CTSB: variants seen among roughly 807,000 people sequenced by gnomAD.
CTSB encodes the protein APP secretase.
A neutral mutation model predicts 44.3 loss-of-function variants in CTSB; 57 were observed. The ratio of observed to expected loss-of-function variants is 1.29; its 90% CI spans 1.04 to 1.60. The LOEUF is 1.60. CTSB is among the 40% of genes most tolerant of loss of function. The pLI, the probability that CTSB is intolerant of heterozygous loss-of-function variation, is 0.00. For missense variants in CTSB, 768 were observed against 443.0 expected (o/e 1.73, Z -6.59); for synonymous variants, 320 against 168.0 (o/e 1.91, Z -7.00).
At position 11,844,978 on chromosome 8, in the gene CTSB, T is replaced by C; in HGVS notation, c.*147A>G. ...CACAGGCTGGGATGTAGCCAGGACT[T>C]GGTCTCCTTGGAAGACAGGTCTGAT... On this transcript the variant is annotated 3_prime_UTR_variant, in exon 10 of 10. Coordinates refer to ENST00000353047, the MANE Select transcript of CTSB (RefSeq NM_001908.5). The C allele has an allele frequency of 1.6e-6, 1 of 630,720 alleles. No individual in the cohort carries two copies. The highest frequency in any genetic ancestry group is 2.8e-6 in the Non-Finnish European group (1 of 352,756). 39.1% of individuals were successfully genotyped at this position (630,720 alleles called of 1,614,324 possible). A position where few individuals can be genotyped will look rare whatever the true frequency, so the allele number is the denominator to read the frequency against.
In CTSB at chr8:11,843,004, A is replaced by G. The variant is rs2130953304; in HGVS notation, c.*2121T>C. 7.5e-6 allele frequency: 1 copy of G among 133,576 alleles called. No homozygotes were observed. The highest frequency in any genetic ancestry group is 2.9e-5 in the African/African-American group (1 of 34,170). 8.3% of individuals were successfully genotyped at this position (133,576 alleles called of 1,614,324 possible). A position where few individuals can be genotyped will look rare whatever the true frequency, so the allele number is the denominator to read the frequency against. ...TGCGCTGTCACCGAGGCTGGAGTGC[A>G]CTGGCACTGTCTTGGCTCACTGCAA... On this transcript the variant is annotated 3_prime_UTR_variant, in exon 10 of 10. Coordinates refer to ENST00000353047, the MANE Select transcript of CTSB (RefSeq NM_001908.5).
intron 1 of CTSB, among the ~76,000 whole-genome samples, chr8:11,860,592 C>T (rs1224498739): frequency 6.6e-6 from 1 of 152,134 alleles, no homozygotes; most frequent in Non-Finnish European, 1.5e-5. Flanking sequence ...CCATTGCACT[C>T]CACCTTGGGC....
chr8:11,850,432 AAAAAAAAAAG>A (rs1174045514), intron 4 of CTSB, among the ~76,000 whole-genome samples: 2 of 148,496 alleles, frequency 1.3e-5, no homozygotes, highest in African/African-American at 2.5e-5. Flanking sequence ...AAAAAAAAAA[AAAAAAAAAAG>A]AAAGAAAAAG....
intron 3 of CTSB, 45 bp from the exon 4 acceptor site, chr8:11,851,025 C>A: frequency 6.9e-7 from 1 of 1,446,870 alleles, no homozygotes; most frequent in Non-Finnish European, 9.6e-7. Context: ...TCCCACAACT[C>A]CCTCCCCAAT....
chr8:11,863,689 A>C (rs79138906), intron 1 of CTSB, among the ~76,000 whole-genome samples: 2 of 152,338 alleles, frequency 1.3e-5, no homozygotes, highest in East Asian at 3.9e-4. Flanking sequence ...GTCCTACAGC[A>C]AAGATTAAAT....
At chr8:11,852,787 C>G in intron 2 of CTSB, 92 bp from the exon 3 acceptor site, 1 of 1,244,400 alleles carries the variant, frequency 8.0e-7, no homozygotes, top group Non-Finnish European at 1.1e-6. Context: ...CAGGGAAAAC[C>G]AGAGACCCTA....
intron 1 of CTSB, among the ~76,000 whole-genome samples, chr8:11,859,247 AGT>A (rs1448487194): frequency 6.6e-6 from 1 of 152,126 alleles, no homozygotes; most frequent in Non-Finnish European, 1.5e-5. Context: ...TGCCAAAAAG[AGT>A]GTGCGGCCAG....
chr8:11,853,568 G>C, intron 1 of CTSB, 89 bp from the exon 2 acceptor site: 1 of 1,324,888 alleles, frequency 7.5e-7, no homozygotes, highest in South Asian at 1.4e-5. Flanking sequence ...GCATCAGTGG[G>C]GACCCCCATG....
chr8:11,849,624 A>G (rs1265946990), intron 4 of CTSB: 1 of 150,246 alleles, frequency 6.7e-6, no homozygotes, highest in African/African-American at 2.5e-5. Flanking sequence ...TTTGTTGCCC[A>G]GGCTGGAATG....
intron 1 of CTSB, among the ~76,000 whole-genome samples, chr8:11,857,331 T>G (rs2150427683): frequency 6.6e-6 from 1 of 152,256 alleles, no homozygotes; most frequent in African/African-American, 2.4e-5. Flanking sequence ...AGTGACTTTC[T>G]TAATAATCTT....
chr8:11,848,358 C>A (rs573672958), intron 5 of CTSB: 52 of 680,148 alleles, frequency 7.6e-5, no homozygotes, highest in Middle Eastern at 4.7e-4. Flanking sequence ...CAGCCCCACC[C>A]CTGCCCACAA....
At chr8:11,851,607 T>C (rs1169550728) in intron 3 of CTSB, among the ~76,000 whole-genome samples, 2 of 152,228 alleles carry the variant, frequency 1.3e-5, no homozygotes, top group Non-Finnish European at 2.9e-5. Context: ...ATAGTGTTTC[T>C]TGCCCTGCTC....
At chr8:11,862,437 C>T (rs181936289) in intron 1 of CTSB, 34 of 152,312 alleles carry the variant, frequency 2.2e-4, no homozygotes, top group African/African-American at 7.0e-4. Flanking sequence ...GGACAGCCAA[C>T]GTTTGCATCC....
chr8:11,853,642 T>C, intron 1 of CTSB, 163 bp from the exon 2 acceptor site: 1 of 652,752 alleles, frequency 1.5e-6, no homozygotes, highest in East Asian at 3.1e-5. Context: ...CCCGCCCCCC[T>C]GCCCGAAGCA....
intron 1 of CTSB, among the ~76,000 whole-genome samples, chr8:11,855,769 G>C (rs978294966): frequency 6.6e-6 from 1 of 152,192 alleles, no homozygotes; most frequent in African/African-American, 2.4e-5. Flanking sequence ...TGTAATCTCA[G>C]CACTTTGGGA....
rs149786664 is a variant in CTSB at position 11,845,148 on chromosome 8, C to G, written c.997G>C (p.Asp333His). ...SEVVAGIPRT[D>H]QYWEKI ...GATTAGATCTTTTCCCAGTACTGATCGGTGCGTGGAATTCCAGCCACCACT... is the reference window on the plus strand; with the variant it reads ...GATTAGATCTTTTCCCAGTACTGATGGGTGCGTGGAATTCCAGCCACCACT... The change falls in exon 10 of 10, where the codon GAT (aspartate) becomes CAT (histidine). Residue 333 changes from aspartate (D) to histidine (H), a missense_variant. Physicochemically the swap from Asp to His is moderately conservative, Grantham distance 81. Coordinates refer to ENST00000353047, the MANE Select transcript of CTSB (RefSeq NM_001908.5). 1.1e-4 allele frequency: 183 copies of G among 1,613,384 alleles called. No individual in the cohort carries two copies. The highest frequency in any genetic ancestry group is 1.4e-4 in the Non-Finnish European group (167 of 1,179,428).
Position 11,843,068 on chromosome 8 carries a change from C to A in CTSB, c.*2057G>T, listed in dbSNP as rs1267626148. On this transcript the variant is annotated 3_prime_UTR_variant, in exon 10 of 10. Coordinates refer to ENST00000353047, the MANE Select transcript of CTSB (RefSeq NM_001908.5). ...GGTTCAAGCGATTCTCCTGCCTCAGCCTCCCAAGTAGCTGGGATTACAGGC... is the reference window on the plus strand; with the variant it reads ...GGTTCAAGCGATTCTCCTGCCTCAGACTCCCAAGTAGCTGGGATTACAGGC... 3 of 152,140 alleles carry A rather than the reference C, an allele frequency of 2.0e-5. No individual in the cohort carries two copies. In the East Asian group the frequency reaches 5.8e-4, roughly 29 times the overall value. 9.4% of individuals were successfully genotyped at this position (152,140 alleles called of 1,614,324 possible).
intron 1 of CTSB, 127 bp from the exon 2 acceptor site, chr8:11,853,606 T>A: frequency 2.3e-6 from 2 of 858,176 alleles, no homozygotes; most frequent in Non-Finnish European, 3.3e-6. Context: ...GGAGAACTCT[T>A]AAGGAGCTGA....
At chr8:11,851,312 C>A (rs891946097) in intron 3 of CTSB, among the ~76,000 whole-genome samples, 7 of 152,102 alleles carry the variant, frequency 4.6e-5, no homozygotes, top group African/African-American at 1.7e-4. Flanking sequence ...GCCTCAGCCT[C>A]CTGAGTAGCT....
Sources: allele counts gnomAD v4.1 joint callset (sites outside exome capture counted in the v4.1 genomes callset), GRCh38; gene constraint gnomAD v4.1.1; transcripts MANE v1.5; gene names NCBI Gene and HGNC (gene_info 2026-07-23, HGNC 2026-07-21).